AFF3: variants seen among roughly 807,000 people sequenced by gnomAD.
The protein encoded by AFF3 is AF4/FMR2 family member 3.
In AFF3, 32 loss-of-function variants were observed where a neutral mutation model predicts 129.7. That is an observed-to-expected ratio of 0.25 (90% CI 0.19 to 0.33). AFF3 has a LOEUF of 0.33. Among genes scored for constraint, AFF3 ranks in the 10% least tolerant of loss-of-function variants. AFF3 has a pLI of 1.00. For missense variants in AFF3, 1,373 were observed against 1,592.0 expected (o/e 0.86, Z 2.34); for synonymous variants, 644 against 635.4 (o/e 1.01, Z -0.20).
chr2:99,811,101 G>C (rs983792544), intron 8 of AFF3, among the ~76,000 whole-genome samples: 3 of 152,218 alleles, frequency 2.0e-5, no homozygotes, highest in Non-Finnish European at 4.4e-5. Context: ...ATTAGGACAT[G>C]GGAGGGACGT....
intron 1 of AFF3, among the ~76,000 whole-genome samples, chr2:100,138,726 C>T (rs868666429): frequency 3.9e-4 from 59 of 152,016 alleles, no homozygotes; most frequent in African/African-American, 1.3e-3. Context: ...GGGCGCATCA[C>T]CTGAGGTCAG....
chr2:99,745,429 T>C (rs1210477825), intron 9 of AFF3, among the ~76,000 whole-genome samples: 1 of 152,238 alleles, frequency 6.6e-6, no homozygotes, highest in East Asian at 1.9e-4. Flanking sequence ...ATTTTTCTTT[T>C]GTTGCTCATG....
intron 8 of AFF3, among the ~76,000 whole-genome samples, chr2:99,819,490 C>T (rs1355696264): frequency 6.6e-6 from 1 of 152,038 alleles, no homozygotes; most frequent in Non-Finnish European, 1.5e-5. Flanking sequence ...GTCATTAGTC[C>T]CAAAATAAAG....
At chr2:99,986,178 G>A (rs1485990683) in intron 7 of AFF3, among the ~76,000 whole-genome samples, 1 of 148,906 alleles carries the variant, frequency 6.7e-6, no homozygotes, top group African/African-American at 2.5e-5. Flanking sequence ...TCCAGCCTGG[G>A]CGACAGAGCG....
chr2:100,085,449 T>C (rs1689347248), intron 4 of AFF3, among the ~76,000 whole-genome samples: 1 of 151,732 alleles, frequency 6.6e-6, no homozygotes, highest in Admixed American at 6.6e-5. Flanking sequence ...CCTGAGGCTC[T>C]TTCTTGGTCT....
intron 7 of AFF3, among the ~76,000 whole-genome samples, chr2:99,938,973 A>C (rs1205508441): frequency 6.6e-6 from 1 of 152,182 alleles, no homozygotes; most frequent in Non-Finnish European, 1.5e-5. Flanking sequence ...ACTCGCTCTT[A>C]TATGGCTTGA....
At chr2:99,648,923 T>A (rs1205839483) in intron 13 of AFF3, among the ~76,000 whole-genome samples, 24 of 67,640 alleles carry the variant, frequency 3.5e-4, no homozygotes, top group Non-Finnish European at 3.7e-4. Context: ...ACACACTCTC[T>A]CTCTCTCTCT....
intron 14 of AFF3, among the ~76,000 whole-genome samples, chr2:99,594,812 T>C (rs1005524683): frequency 2.6e-5 from 4 of 152,180 alleles, no homozygotes; most frequent in African/African-American, 7.2e-5. Flanking sequence ...AATTTGGTAG[T>C]AGGAGCAATG....
chr2:99,923,994 A>G (rs1696046622), intron 7 of AFF3, among the ~76,000 whole-genome samples: 2 of 152,194 alleles, frequency 1.3e-5, no homozygotes, highest in African/African-American at 4.8e-5. Flanking sequence ...AGAGAATCTG[A>G]GCAGATGACT....
In AFF3 at chr2:99,593,200, G is replaced by C. The variant is rs370117202; in HGVS notation, c.2461C>G (p.Arg821Gly). 9 of 1,576,616 alleles carry C rather than the reference G, an allele frequency of 5.7e-6. No individual in the cohort carries two copies. Among genetic ancestry groups the C allele is most frequent in the Middle Eastern group, 1.7e-4 (1 of 5,870 alleles). The change falls in exon 15 of 25, where the codon CGC becomes GGC. Residue 821 changes from arginine (R) to glycine (G), a missense_variant. Physicochemically the swap from Arg to Gly is moderately radical, Grantham distance 125 (BLOSUM62 -2). Coordinates refer to ENST00000672756, the MANE Select transcript of AFF3 (RefSeq NM_001386135.1). ...EKALPKSKRK[R>G]KCDNEDDYRE... ...CCAGTCAGCCCCAGGCCTACCTTGC[G>C]TTTCCTCTTGGATTTTGGCAAAGCC... is the stretch of plus-strand genomic sequence containing the variant.
intron 18 of AFF3, among the ~76,000 whole-genome samples, chr2:99,573,422 G>A (rs1676691876): frequency 6.6e-6 from 1 of 152,180 alleles, no homozygotes; most frequent in Non-Finnish European, 1.5e-5. Flanking sequence ...TAGGGTCCCT[G>A]CTTTGAAAGG....
chr2:99,950,715 A>C (rs1017061857), intron 7 of AFF3, among the ~76,000 whole-genome samples: 2 of 152,224 alleles, frequency 1.3e-5, no homozygotes, highest in Admixed American at 6.5e-5. Flanking sequence ...ATATTTCATA[A>C]AAACCTACTA....
intron 7 of AFF3, among the ~76,000 whole-genome samples, chr2:99,909,038 G>A (rs1157582499): frequency 6.6e-6 from 1 of 151,982 alleles, no homozygotes; most frequent in African/African-American, 2.4e-5. Context: ...ACATGCACAC[G>A]TATGTTTACT....
chr2:99,676,285 T>C (rs563771158), intron 11 of AFF3, among the ~76,000 whole-genome samples: 1 of 152,298 alleles, frequency 6.6e-6, no homozygotes, highest in South Asian at 2.1e-4. Flanking sequence ...GTTTAAGGGA[T>C]GTCCGTCCGT....
At chr2:99,605,614 A>G (rs10210038) in intron 13 of AFF3, among the ~76,000 whole-genome samples, 2,021 of 152,340 alleles carry the variant, frequency 0.013, 42 homozygotes, top group African/African-American at 0.046. Flanking sequence ...TGGCAGAGCC[A>G]AGATGAAGAA....
At chr2:99,794,638 T>G (rs1319103242) in intron 8 of AFF3, among the ~76,000 whole-genome samples, 2 of 152,196 alleles carry the variant, frequency 1.3e-5, no homozygotes, top group African/African-American at 4.8e-5. Flanking sequence ...ACTCTTCCTC[T>G]GAGTATCTCC....
intron 13 of AFF3, among the ~76,000 whole-genome samples, chr2:99,605,704 C>T (rs1330413220): frequency 1.3e-5 from 2 of 152,144 alleles, no homozygotes; most frequent in African/African-American, 2.4e-5. Flanking sequence ...CATATACATA[C>T]GTCTATAGAA....
intron 13 of AFF3, among the ~76,000 whole-genome samples, chr2:99,636,367 G>T (rs1683653575): frequency 6.6e-6 from 1 of 152,340 alleles, no homozygotes; most frequent in Admixed American, 6.5e-5. Context: ...ATTGGGGCCA[G>T]TGAGCAGGCT....
intron 19 of AFF3, 31 bp from the exon 20 acceptor site, chr2:99,565,654 TAAACA>T (rs1407282154): frequency 1.9e-6 from 3 of 1,594,654 alleles, no homozygotes; most frequent in African/African-American, 1.3e-5. Context: ...AGTGTCTTCC[TAAACA>T]ATAGTTTTTT....
Sources: gnomAD v4.1 joint callset for allele counts (sites outside exome capture counted in the v4.1 genomes callset) on GRCh38, gnomAD v4.1.1 for gene constraint, MANE v1.5 for transcripts, NCBI Gene and HGNC (gene_info 2026-07-23, HGNC 2026-07-21) for gene names.